The following LRRC17 variants were observed in gnomAD, a reference collection of about 807,000 sequenced individuals.
LRRC17 encodes the protein leucine-rich repeat-containing protein 17.
LRRC17 carries 33 observed loss-of-function variants against 41.5 expected under a neutral mutation model. That is an observed-to-expected ratio of 0.80 (90% confidence interval 0.60 to 1.06). LRRC17 has a LOEUF of 1.06. Ranked by LOEUF, LRRC17 falls within the 50% of genes least tolerant of loss-of-function variation. LRRC17 has a pLI of 0.00. For missense variants in LRRC17, 491 were observed against 519.3 expected, an observed-to-expected ratio of 0.95 and a Z score of 0.53; for synonymous variants, 192 against 197.0, an observed-to-expected ratio of 0.97 and a Z score of 0.21.
chr7:102,942,231 G>T, intron 3 of LRRC17: 1 of 1,347,216 alleles, frequency 7.4e-7, no homozygotes, highest in South Asian at 1.3e-5. Context: ...AAAGTATCTT[G>T]GCAGTTAAGG....
Position 102,933,812 on chromosome 7 carries a change from C to G in LRRC17, c.-102C>G. The G allele has an allele frequency of 7.8e-7, 1 of 1,281,798 alleles. No individual in the cohort carries two copies. Among genetic ancestry groups the G allele is most frequent in the Non-Finnish European group, 1.1e-6 (1 of 944,474 alleles). The allele number at this position is 1,281,798 out of a possible 1,614,324, so 79.4% of individuals were successfully genotyped here. On this transcript the variant is annotated 5_prime_UTR_variant, in exon 2 of 4. Coordinates refer to ENST00000339431, the MANE Select transcript of LRRC17 (RefSeq NM_001031692.3). ...CGTACCCCAGCTGGGTCTCATTGTT[C>G]CAGAACTGCATTAGTTAAGATTACC...
chr7:102,923,162 T>C (rs898987849), intron 1 of LRRC17, among the ~76,000 whole-genome samples: 2 of 152,218 alleles, frequency 1.3e-5, no homozygotes, highest in African/African-American at 4.8e-5. Flanking sequence ...AGTTTTCAAG[T>C]ATTGAGAGAA....
Position 102,926,574 on chromosome 7 carries a change from C to T in LRRC17, c.-140-7200C>T, listed in dbSNP as rs147421976. Among the ~76,000 whole-genome samples the T allele has an allele frequency of 3.7e-3, 568 of 152,302 alleles. 5 individuals carry two copies. Among genetic ancestry groups the T allele is most frequent in the African/African-American group, 0.013 (561 of 41,562 alleles). On this transcript the variant is annotated intron_variant, in intron 1 of 3. Transcript: ENST00000339431. The stretch of plus-strand genomic sequence containing the variant: ...TTTGCTCAAAGCATCATTACTCCCT[C>T]CTTTTCCCTTTCCTTGGAAATCAAG...
At chr7:102,936,597 A>G (rs750418101) in intron 2 of LRRC17, among the ~76,000 whole-genome samples, 1 of 152,214 alleles carries the variant, frequency 6.6e-6, no homozygotes, top group African/African-American at 2.4e-5. Context: ...GCTTAGATTG[A>G]AAACTGGAAT....
intron 1 of LRRC17, among the ~76,000 whole-genome samples, chr7:102,919,526 T>C (rs139858483): frequency 2.6e-5 from 4 of 152,304 alleles, no homozygotes; most frequent in African/African-American, 9.6e-5. Flanking sequence ...ACAATTAAGC[T>C]TGGAAATGTC....
chr7:102,927,681 G>A (rs1277127211), intron 1 of LRRC17, among the ~76,000 whole-genome samples: 2 of 152,182 alleles, frequency 1.3e-5, no homozygotes, highest in African/African-American at 4.8e-5. Context: ...CATGCTGCAT[G>A]AGAGGCCAGT....
rs564954342 is a variant in LRRC17 at position 102,915,664 on chromosome 7, A to G, written c.-141+2519A>G. On this transcript the variant is annotated intron_variant, in intron 1 of 3. Coordinates refer to ENST00000339431, the MANE Select transcript of LRRC17 (RefSeq NM_001031692.3). Reference sequence around the variant, plus strand: ...CCCTTTCTTGGCATAAAGTTTTTAAATGCATAAAATAAAATATATAAGATT... The same window carrying G: ...CCCTTTCTTGGCATAAAGTTTTTAAGTGCATAAAATAAAATATATAAGATT... Among the ~76,000 whole-genome samples the G allele has an allele frequency of 2.6e-5, 4 of 152,342 alleles. No individual in the cohort carries two copies. In the South Asian group the frequency reaches 8.3e-4, roughly 32 times the overall value.
At chr7:102,935,253 T>C (rs1372841967) in intron 2 of LRRC17, among the ~76,000 whole-genome samples, 18 of 128,948 alleles carry the variant, frequency 1.4e-4, no homozygotes, top group Non-Finnish European at 2.5e-4. Flanking sequence ...TTTTTTTTTT[T>C]TTTTTTTTTT....
chr7:102,924,507 T>A (rs1002814909), intron 1 of LRRC17, among the ~76,000 whole-genome samples: 20 of 152,104 alleles, frequency 1.3e-4, no homozygotes, highest in Admixed American at 3.9e-4. Flanking sequence ...TAGATTTGAC[T>A]AAAAATGTGA....
At chr7:102,935,727 A>G (rs1040769757) in intron 2 of LRRC17, among the ~76,000 whole-genome samples, 1 of 152,184 alleles carries the variant, frequency 6.6e-6, no homozygotes, top group Non-Finnish European at 1.5e-5. Flanking sequence ...ATAACGAACC[A>G]TGTAACAATG....
chr7:102,940,972 C>T (rs539307970), intron 3 of LRRC17, among the ~76,000 whole-genome samples: 2 of 152,106 alleles, frequency 1.3e-5, no homozygotes, highest in East Asian at 3.9e-4. Flanking sequence ...TAATCTAATA[C>T]CATTAATAGA....
intron 1 of LRRC17, among the ~76,000 whole-genome samples, chr7:102,932,127 T>A (rs1819298581): frequency 6.6e-6 from 1 of 152,132 alleles, no homozygotes; most frequent in Non-Finnish European, 1.5e-5. Flanking sequence ...TACACAGACA[T>A]GTTTATTATT....
At chr7:102,919,584 G>A (rs1395292411) in intron 1 of LRRC17, among the ~76,000 whole-genome samples, 3 of 152,060 alleles carry the variant, frequency 2.0e-5, no homozygotes, top group South Asian at 2.1e-4. Context: ...CTCTTAGCAG[G>A]AAAAAATAGG....
chr7:102,913,977 T>C (rs1049268539), intron 1 of LRRC17, among the ~76,000 whole-genome samples: 1 of 152,154 alleles, frequency 6.6e-6, no homozygotes. Context: ...CAGAAAAAAG[T>C]AGGGTAGTTA....
At chr7:102,922,043 A>G (rs1473536296) in intron 1 of LRRC17, among the ~76,000 whole-genome samples, 1 of 152,120 alleles carries the variant, frequency 6.6e-6, no homozygotes, top group Non-Finnish European at 1.5e-5. Context: ...TTCAAAAATC[A>G]GCAGAGTGTG....
At chr7:102,923,575 C>T (rs1032750029) in intron 1 of LRRC17, among the ~76,000 whole-genome samples, 1 of 152,130 alleles carries the variant, frequency 6.6e-6, no homozygotes, top group Non-Finnish European at 1.5e-5. Flanking sequence ...GTAATCCCAG[C>T]ACTTTGGGAG....
At chr7:102,915,278 T>C (rs999229300) in intron 1 of LRRC17, among the ~76,000 whole-genome samples, 2 of 152,050 alleles carry the variant, frequency 1.3e-5, no homozygotes, top group East Asian at 3.9e-4. Flanking sequence ...AGTATTATCT[T>C]GAGGGTGATT....
chr7:102,913,230 GA>G, intron 1 of LRRC17, 85 bp downstream of exon 1: 1 of 1,613,958 alleles, frequency 6.2e-7, no homozygotes, highest in Non-Finnish European at 8.5e-7. Flanking sequence ...AAAGACAAAA[GA>G]GAGGAAGGAA....
At chr7:102,941,855 A>G (rs1821520470) in intron 3 of LRRC17, among the ~76,000 whole-genome samples, 1 of 152,248 alleles carries the variant, frequency 6.6e-6, no homozygotes, top group Non-Finnish European at 1.5e-5. Flanking sequence ...TAGTATACAA[A>G]GAAAACTTGA....
Sources: allele counts gnomAD v4.1 joint callset (sites outside exome capture counted in the v4.1 genomes callset), GRCh38; gene constraint gnomAD v4.1.1; transcripts MANE v1.5; gene names NCBI Gene and HGNC (gene_info 2026-07-23, HGNC 2026-07-21).